Variants in ZNF131 observed in about 807,000 individuals in gnomAD.
ZNF131 encodes zinc finger and BTB domain containing 35, also known as zinc finger protein 131.
ZNF131 carries 7 observed loss-of-function variants against 60.0 expected under a neutral mutation model. That is an observed-to-expected ratio of 0.12 (90% CI 0.07 to 0.22). The LOEUF (loss-of-function observed/expected upper bound fraction) is 0.22. Ranked by LOEUF, ZNF131 falls within the 10% of genes least tolerant of loss-of-function variation. The probability of loss-of-function intolerance (pLI) is 1.00; values close to 1 mark genes in which losing one functional copy is unlikely to be tolerated. For synonymous variants in ZNF131, 257 were observed against 253.2 expected (o/e 1.01, Z -0.14); for missense variants, 493 against 740.9 (o/e 0.67, Z 3.88).
At position 43,172,058 on chromosome 5, in the gene ZNF131, T is replaced by C. The variant is rs150560908; in HGVS notation, c.1055-1260T>C. Among the ~76,000 whole-genome samples the C allele has an allele frequency of 1.3e-3, 199 of 152,368 alleles. 1 individual carries two copies. Among genetic ancestry groups the C allele is most frequent in the African/African-American group, 4.3e-3 (177 of 41,598 alleles). On this transcript the variant is annotated intron_variant, in intron 5 of 6. Transcript: ENST00000682664. ...CCACCATGTTTGGCCTTGTAGGCCTTCTTAAAGGAATTTTGGTAATGACTG... is the reference window on the plus strand; with the variant it reads ...CCACCATGTTTGGCCTTGTAGGCCTCCTTAAAGGAATTTTGGTAATGACTG...
chr5:43,152,465 A>G (rs1748449281), intron 4 of ZNF131, among the ~76,000 whole-genome samples: 1 of 152,184 alleles, frequency 6.6e-6, no homozygotes, highest in Non-Finnish European at 1.5e-5. Context: ...TATGTTGGTA[A>G]AGTTAAGGGA....
intron 4 of ZNF131, among the ~76,000 whole-genome samples, chr5:43,151,873 A>G (rs1322785211): frequency 1.3e-5 from 2 of 152,236 alleles, no homozygotes; most frequent in Non-Finnish European, 2.9e-5. Context: ...ACGAACCTGC[A>G]TCAGTGTAGA....
At chr5:43,142,898 G>C (rs542469846) in intron 4 of ZNF131, among the ~76,000 whole-genome samples, 6 of 152,126 alleles carry the variant, frequency 3.9e-5, no homozygotes, top group Admixed American at 1.3e-4. Context: ...TCACCATGTT[G>C]CCCAGGCTAC....
At chr5:43,141,635 G>A (rs904243034) in intron 4 of ZNF131, among the ~76,000 whole-genome samples, 3 of 152,072 alleles carry the variant, frequency 2.0e-5, no homozygotes, top group Non-Finnish European at 2.9e-5. Context: ...TGGCACTGTG[G>A]CGTGCAACTG....
chr5:43,137,821 T>A (rs549228825), intron 3 of ZNF131, among the ~76,000 whole-genome samples: 1 of 152,272 alleles, frequency 6.6e-6, no homozygotes, highest in East Asian at 1.9e-4. Context: ...CGAGAGGAAA[T>A]AAATATTCGT....
At chr5:43,161,984 T>G in intron 5 of ZNF131, 53 bp downstream of exon 5, 1 of 1,481,244 alleles carries the variant, frequency 6.8e-7, no homozygotes, top group Non-Finnish European at 9.0e-7. Flanking sequence ...CACTTCAAAT[T>G]TAAGTATCTA....
At chr5:43,124,496 T>C (rs937494423) in intron 3 of ZNF131, 2 of 152,216 alleles carry the variant, frequency 1.3e-5, no homozygotes, top group African/African-American at 4.8e-5. Context: ...ATATTCCAGT[T>C]TAGCATTATA....
At chr5:43,131,034 T>C (rs1745278258) in intron 3 of ZNF131, among the ~76,000 whole-genome samples, 1 of 151,610 alleles carries the variant, frequency 6.6e-6, no homozygotes, top group South Asian at 2.1e-4. Context: ...CTGGCCAATT[T>C]TTGTATTTTT....
chr5:43,150,364 T>C (rs975568178), intron 4 of ZNF131, among the ~76,000 whole-genome samples: 1 of 152,212 alleles, frequency 6.6e-6, no homozygotes, highest in African/African-American at 2.4e-5. Context: ...TTATAAGACA[T>C]GCAGAAACAT....
At position 43,174,558 on chromosome 5, in the gene ZNF131, A is replaced by T. The variant is rs1751366393; in HGVS notation, c.1297A>T (p.Asn433Tyr). ...ATGTGATTTGTGGTTTATGCAAGGA[A>T]ATGAATTAAGGAGGCATCTCAGTGA... Reference protein sequence around the residue: ...TLCDLWFMQGNELRRHLSDAH... With the variant: ...TLCDLWFMQGYELRRHLSDAH... Residue 433 changes from asparagine to tyrosine, a missense_variant, in exon 7 of 7, where the codon AAT becomes TAT. Physicochemically the swap from Asn to Tyr is moderately radical, Grantham distance 143. Coordinates refer to ENST00000682664, the MANE Select transcript of ZNF131 (RefSeq NM_001330707.2). The T allele has an allele frequency of 3.1e-6, 5 of 1,608,212 alleles. No individual in the cohort carries two copies. The highest frequency in any genetic ancestry group is 4.2e-6 in the Non-Finnish European group (5 of 1,176,796).
chr5:43,165,411 A>G (rs961301002), intron 5 of ZNF131, among the ~76,000 whole-genome samples: 5 of 152,170 alleles, frequency 3.3e-5, no homozygotes, highest in African/African-American at 1.2e-4. Context: ...TGGAAAGTCA[A>G]AATTACTTCT....
intron 2 of ZNF131, 52 bp downstream of exon 2, chr5:43,122,229 G>A (rs1224966968): frequency 2.8e-6 from 4 of 1,445,028 alleles, no homozygotes; most frequent in Non-Finnish European, 2.8e-6. Context: ...GTTTTTTTCT[G>A]TCCTTCGGAC....
intron 3 of ZNF131, among the ~76,000 whole-genome samples, chr5:43,137,342 C>A (rs1323280555): frequency 6.6e-6 from 1 of 152,076 alleles, no homozygotes; most frequent in Non-Finnish European, 1.5e-5. Flanking sequence ...ATATGAGAAA[C>A]TCCCACAACT....
At position 43,161,494 on chromosome 5, in the gene ZNF131, C is replaced by G. The variant is rs1265108631; in HGVS notation, c.617C>G (p.Ser206Cys). The G allele has an allele frequency of 6.2e-7, 1 of 1,614,256 alleles. No homozygotes were observed. The highest frequency in any genetic ancestry group is 8.5e-7 in the Non-Finnish European group (1 of 1,180,052). The stretch of plus-strand genomic sequence containing the variant: ...AAGTACATACAGAGCACAGGTTCCT[C>G]TGATGATTCTGCTCTAGCACTGTTG... ...SVKYIQSTGS[S>C]DDSALALLAD... The change falls in exon 5 of 7, where the codon TCT becomes TGT. Residue 206 changes from serine to cysteine, a missense_variant. By Grantham distance (112) the Ser-to-Cys change is moderately radical. This residue lies in a region of ZNF131 where 138 missense variants were observed against 158.7 expected (regional missense o/e 0.87). Transcript: ENST00000682664.
At chr5:43,167,735 T>C (rs1344699519) in intron 5 of ZNF131, among the ~76,000 whole-genome samples, 1 of 152,198 alleles carries the variant, frequency 6.6e-6, no homozygotes, top group Non-Finnish European at 1.5e-5. Flanking sequence ...CAGGATATGC[T>C]GGCAGGGGAC....
intron 3 of ZNF131, among the ~76,000 whole-genome samples, chr5:43,131,903 G>T (rs374727651): frequency 5.0e-4 from 76 of 152,026 alleles, no homozygotes; most frequent in African/African-American, 1.8e-3. Context: ...TTCCAAGCAG[G>T]AAGGAAAAGT....
At chr5:43,159,546 TTA>T (rs1394080950) in intron 4 of ZNF131, among the ~76,000 whole-genome samples, 12 of 151,756 alleles carry the variant, frequency 7.9e-5, no homozygotes, top group African/African-American at 2.9e-4. Context: ...AATACAAAAA[TTA>T]GGCGGGCATG....
intron 4 of ZNF131, among the ~76,000 whole-genome samples, chr5:43,149,360 T>C (rs549203986): frequency 4.6e-5 from 7 of 152,312 alleles, no homozygotes; most frequent in Admixed American, 3.3e-4. Context: ...TCACGTATAT[T>C]AGTGTGTGTA....
At chr5:43,138,103 A>C (rs62368860) in intron 3 of ZNF131, among the ~76,000 whole-genome samples, 57 of 152,360 alleles carry the variant, frequency 3.7e-4, no homozygotes, top group Non-Finnish European at 6.8e-4. Flanking sequence ...GGAAATGGGC[A>C]GTTACTAATC....
Sources: allele counts gnomAD v4.1 joint callset (sites outside exome capture counted in the v4.1 genomes callset), GRCh38; gene constraint gnomAD v4.1.1; regional missense constraint gnomAD v4.1.1; transcripts MANE v1.5; gene names NCBI Gene and HGNC (gene_info 2026-07-23, HGNC 2026-07-21).